The following NHSL1 variants were observed in gnomAD, a reference collection of about 807,000 sequenced individuals.
NHSL1 encodes NHS-like protein 1.
A neutral mutation model predicts 95.0 loss-of-function variants in NHSL1; 48 were observed. The observed-to-expected ratio is 0.51, with a 90% CI of 0.40 to 0.64. The LOEUF (loss-of-function observed/expected upper bound fraction) is 0.64, where lower values mean the gene tolerates loss of function less well. NHSL1 is among the 30% of genes least tolerant of loss of function. NHSL1 has a pLI of 0.00. For missense variants in NHSL1, 1,971 were observed against 2,077.7 expected (o/e 0.95, Z 1.00); for synonymous variants, 783 against 833.9 (o/e 0.94, Z 1.05).
At chr6:138,436,219 G>T (rs1041570885) in intron 5 of NHSL1, among the ~76,000 whole-genome samples, 3 of 152,166 alleles carry the variant, frequency 2.0e-5, no homozygotes, top group African/African-American at 7.2e-5. Context: ...GCTAAGATAG[G>T]CCAAAAGCTA....
chr6:138,576,717 C>A (rs866614323), upstream of NHSL1, among the ~76,000 whole-genome samples: 15 of 152,204 alleles, frequency 9.9e-5, no homozygotes, highest in Admixed American at 1.3e-4. Flanking sequence ...CCCTCCTTCA[C>A]CAGCGGGACG....
chr6:138,690,231 C>T (rs1199383659), intron 1 of NHSL1, among the ~76,000 whole-genome samples: 1 of 152,160 alleles, frequency 6.6e-6, no homozygotes, highest in Non-Finnish European at 1.5e-5. Context: ...AGTTTTTACA[C>T]AGAAACAAGG....
chr6:138,503,112 C>T (rs2128293287), upstream of NHSL1, among the ~76,000 whole-genome samples: 1 of 152,300 alleles, frequency 6.6e-6, no homozygotes, highest in South Asian at 2.1e-4. Flanking sequence ...AAAAAATTCT[C>T]AGTGGTCATC....
chr6:138,636,396 GT>G (rs1411192483), intron 1 of NHSL1, among the ~76,000 whole-genome samples: 3 of 152,218 alleles, frequency 2.0e-5, no homozygotes, highest in East Asian at 3.9e-4. Context: ...GTTCAACATA[GT>G]ACTGGAAGTC....
At chr6:138,542,482 G>A (rs1334525514) in intron 1 of NHSL1, among the ~76,000 whole-genome samples, 1 of 152,202 alleles carries the variant, frequency 6.6e-6, no homozygotes, top group South Asian at 2.1e-4. Flanking sequence ...CAGGAAATGA[G>A]ATTAAATGTT....
chr6:138,562,354 T>C (rs1321606169), intron 1 of NHSL1, among the ~76,000 whole-genome samples: 1 of 152,184 alleles, frequency 6.6e-6, no homozygotes, highest in Non-Finnish European at 1.5e-5. Flanking sequence ...TTAATAAAGA[T>C]ACCCTAACAT....
In NHSL1 at chr6:138,687,764, A is replaced by G. The variant is rs77022503; in HGVS notation, c.96+4712T>C. Among the ~76,000 whole-genome samples, 822 of 152,320 alleles carry G rather than the reference A, an allele frequency of 5.4e-3. 9 individuals are homozygous for G. The highest frequency in any genetic ancestry group is 0.018 in the African/African-American group (735 of 41,566). Reference sequence around the variant, plus strand: ...CAGGCACATGATTCCATCTGTATGAAATGTCCAGAAAAGTCAAATCTATAG... The same window carrying G: ...CAGGCACATGATTCCATCTGTATGAGATGTCCAGAAAAGTCAAATCTATAG... On this transcript the variant is annotated intron_variant, in intron 1 of 3. Transcript: ENST00000491526.
In NHSL1 at chr6:138,423,970, G is replaced by T; in HGVS notation, c.*111C>A. 8.6e-7 allele frequency: 1 copy of T among 1,161,046 alleles called. No individual in the cohort carries two copies. Among genetic ancestry groups the T allele is most frequent in the South Asian group, 3.7e-5 (1 of 26,728 alleles). The allele number at this position is 1,161,046 out of a possible 1,614,324, so 71.9% of individuals were successfully genotyped here. On this transcript the variant is annotated 3_prime_UTR_variant, in exon 8 of 8. Transcript: ENST00000343505. The stretch of plus-strand genomic sequence containing the variant: ...TGGCAACCCCGGGGCCCACAGCACA[G>T]AAGCAGAGTGGGCTCCCCGGGTGAG...
chr6:138,464,211 G>C, intron 3 of NHSL1: 1 of 763,064 alleles, frequency 1.3e-6, no homozygotes, highest in Admixed American at 2.1e-5. Context: ...GAGGCTGAGA[G>C]GCTGCTGGCC....
At chr6:138,483,999 G>T (rs894248918) in intron 2 of NHSL1, among the ~76,000 whole-genome samples, 2 of 152,108 alleles carry the variant, frequency 1.3e-5, no homozygotes, top group Non-Finnish European at 2.9e-5. Context: ...CCATTAAATG[G>T]GCCTCTTCTC....
intron 2 of NHSL1, among the ~76,000 whole-genome samples, chr6:138,489,048 C>T (rs1779880941): frequency 6.6e-6 from 1 of 152,222 alleles, no homozygotes; most frequent in Non-Finnish European, 1.5e-5. Context: ...TATTAAGCGT[C>T]TGTCACTGTC....
intron 1 of NHSL1, among the ~76,000 whole-genome samples, chr6:138,684,609 C>T (rs947226024): frequency 1.3e-5 from 2 of 151,950 alleles, no homozygotes; most frequent in African/African-American, 2.4e-5. Flanking sequence ...CGCGCCACTG[C>T]ATTCTAGCCT....
chr6:138,693,027 C>A (rs1327568794), upstream of NHSL1, among the ~76,000 whole-genome samples: 2 of 151,132 alleles, frequency 1.3e-5, no homozygotes, highest in African/African-American at 4.8e-5. The surrounding 1 kb of genome is among the most constrained non-coding windows in gnomAD (Gnocchi z 4.3). Context: ...CGTTCCTCCA[C>A]CCGCAGGGCT....
At position 138,447,077 on chromosome 6, in the gene NHSL1, T is replaced by C; in HGVS notation, c.456A>G (p.Pro152=). The C allele has an allele frequency of 6.4e-7, 1 of 1,551,750 alleles. No homozygotes were observed. ...NTQTNWTKSL[P]LPTPEEKMRQ... is the part of the protein sequence containing the mutation. Reference sequence around the variant, plus strand: ...GCATCTTCTCTTCTGGTGTTGGCAGTGGAAGCGACTTGGTCCAGTTCGTCT... The same window carrying C: ...GCATCTTCTCTTCTGGTGTTGGCAGCGGAAGCGACTTGGTCCAGTTCGTCT... The change falls in exon 4 of 8, where the codon CCA becomes CCG. Residue 152 remains proline, a synonymous_variant. Transcript: ENST00000343505.
rs1263910834 is a variant in NHSL1, at chr6:138,637,394, T to C, written c.96+55082A>G. Among the ~76,000 whole-genome samples the C allele has an allele frequency of 5.9e-5, 9 of 152,228 alleles. 2 individuals are homozygous for C. Among genetic ancestry groups the C allele is most frequent in the Admixed American group, 5.2e-4 (8 of 15,290 alleles). On this transcript the variant is annotated intron_variant, in intron 1 of 3. Coordinates refer to the NHSL1 transcript ENST00000491526. ...GGCAACCAAAGCAAAAATGAACACA[T>C]TGGATCACATCAAGTTAAAAAGCTT...
chr6:138,647,608 T>C (rs1785036456), intron 1 of NHSL1, among the ~76,000 whole-genome samples: 1 of 151,270 alleles, frequency 6.6e-6, no homozygotes, highest in Non-Finnish European at 1.5e-5. Context: ...CTCACTTTTT[T>C]TTTTTTTTTT....
intron 2 of NHSL1, among the ~76,000 whole-genome samples, chr6:138,490,586 C>T (rs894370876): frequency 6.6e-6 from 1 of 152,128 alleles, no homozygotes; most frequent in South Asian, 2.1e-4. Context: ...GTAGAGAAAT[C>T]TGGCTGGAAC....
At chr6:138,661,876 G>A (rs1407478022) in intron 1 of NHSL1, among the ~76,000 whole-genome samples, 3 of 152,124 alleles carry the variant, frequency 2.0e-5, no homozygotes, top group Non-Finnish European at 4.4e-5. Flanking sequence ...TTCGAGACCA[G>A]TCTGGGTAAC....
chr6:138,668,958 C>CCAAGG (rs1160751557), intron 1 of NHSL1, among the ~76,000 whole-genome samples: 5 of 152,044 alleles, frequency 3.3e-5, no homozygotes, highest in African/African-American at 7.2e-5. Flanking sequence ...GTTGGATACA[C>CCAAGG]GATGGAGGAA....
Sources: gnomAD v4.1 joint callset for allele counts (sites outside exome capture counted in the v4.1 genomes callset) on GRCh38, gnomAD v4.1.1 for gene constraint, Gnocchi (gnomAD v3.1) non-coding constraint, MANE v1.5 for transcripts, NCBI Gene and HGNC (gene_info 2026-07-23, HGNC 2026-07-21) for gene names.